The following DAPK2 variants were observed in gnomAD, a reference collection of about 807,000 sequenced individuals.
DAPK2 encodes the protein death-associated protein kinase 2.
Under a neutral mutation model 44.1 loss-of-function variants are expected in DAPK2, and 35 were observed. That is an observed-to-expected ratio of 0.79 (90% CI 0.61 to 1.05). The LOEUF is 1.05. Ranked by LOEUF, DAPK2 falls within the 50% of genes least tolerant of loss-of-function variation. The pLI is 0.00. For synonymous variants in DAPK2, 174 were observed against 182.6 expected (o/e 0.95, Z 0.38); for missense variants, 453 against 483.2 (o/e 0.94, Z 0.59).
chr15:63,936,569 C>A (rs867166120), intron 4 of DAPK2, among the ~76,000 whole-genome samples: 6 of 152,056 alleles, frequency 3.9e-5, no homozygotes, highest in African/African-American at 9.7e-5. Context: ...TGAGATCACA[C>A]CACTGCACTC....
At chr15:64,014,044 A>G (rs1455568014) in intron 1 of DAPK2, among the ~76,000 whole-genome samples, 1 of 152,214 alleles carries the variant, frequency 6.6e-6, no homozygotes, top group Non-Finnish European at 1.5e-5. Context: ...ACACAGGTCA[A>G]GTGTTTATCT....
chr15:64,001,212 CA>C (rs373745530), intron 1 of DAPK2, among the ~76,000 whole-genome samples: 95 of 139,552 alleles, frequency 6.8e-4, no homozygotes, highest in East Asian at 1.1e-3. Context: ...CACTACCTGC[CA>C]AAAAAAAAAA....
intron 4 of DAPK2, chr15:63,935,659 C>T (rs117098456): frequency 9.9e-5 from 15 of 152,176 alleles, no homozygotes; most frequent in African/African-American, 3.6e-4. Flanking sequence ...TCTGTGGATG[C>T]ATGGATGCAG....
chr15:64,039,113 T>C (rs895886), intron 1 of DAPK2, among the ~76,000 whole-genome samples: 82,291 of 152,118 alleles, frequency 0.54, 23,301 homozygotes, highest in East Asian at 0.78. Flanking sequence ...AACCAAACTG[T>C]GCTGTGACAA....
intron 1 of DAPK2, among the ~76,000 whole-genome samples, chr15:63,985,658 C>T (rs376006862): frequency 5.3e-5 from 8 of 152,174 alleles, no homozygotes; most frequent in African/African-American, 1.7e-4. Context: ...TAGGCAGTGG[C>T]GCAGGGCTTG....
chr15:63,926,320 C>T (rs2079264470), intron 6 of DAPK2: 1 of 450,916 alleles, frequency 2.2e-6, no homozygotes, highest in Non-Finnish European at 3.9e-6. Flanking sequence ...ATTGTGTCTT[C>T]AACGGACTCA....
intron 3 of DAPK2, among the ~76,000 whole-genome samples, chr15:63,943,505 C>G (rs1421962952): frequency 6.6e-6 from 1 of 152,168 alleles, no homozygotes; most frequent in Non-Finnish European, 1.5e-5. Flanking sequence ...CTTTATCTCT[C>G]AGGCCCCAAA....
At chr15:64,008,014 T>C (rs1312881626) in intron 1 of DAPK2, among the ~76,000 whole-genome samples, 2 of 152,026 alleles carry the variant, frequency 1.3e-5, no homozygotes, top group Admixed American at 6.6e-5. Flanking sequence ...CTAGGGCTAG[T>C]GGGTTTGGGA....
rs139788414 is a variant in DAPK2, at chr15:63,923,204, G to A, written c.858+1612C>T. The stretch of plus-strand genomic sequence containing the variant: ...CCGAGCCACGTCTTCCACCACACAG[G>A]CAAAACGCTCGAAGTTGACATAGGA... On this transcript the variant is annotated intron_variant, in intron 8 of 10. Transcript: ENST00000261891. This position sits in a 1 kb window ranked among gnomAD's most constrained non-coding sequence, Gnocchi z 4.2. 144 of 1,535,858 alleles carry A rather than the reference G, an allele frequency of 9.4e-5. No homozygotes were observed. The East Asian group carries it at 1.7e-3, about 18-fold the overall frequency.
intron 7 of DAPK2, 118 bp from the exon 9 acceptor site, chr15:63,924,979 C>A: frequency 9.5e-7 from 1 of 1,053,484 alleles, no homozygotes; most frequent in Non-Finnish European, 1.4e-6. Flanking sequence ...TGCCGTCAAA[C>A]CAGTGGAATG....
rs553374626 is a variant in DAPK2 at position 64,020,574 on chromosome 15, C to A, written c.92+19596G>T. Among the ~76,000 whole-genome samples, 4 of 152,354 alleles carry A rather than the reference C, an allele frequency of 2.6e-5. No homozygotes were observed. Among genetic ancestry groups the A allele is most frequent in the African/African-American group, 7.2e-5 (3 of 41,582 alleles). ...GCTTCACCAAAGCAGCACTACTTTG[C>A]CCATCTCCTCTGGGAAGGATTTATA... On this transcript the variant is annotated intron_variant, in intron 1 of 10. Coordinates refer to ENST00000261891, the Ensembl canonical transcript of DAPK2. This position sits in a 1 kb window ranked among gnomAD's most constrained non-coding sequence, Gnocchi z 4.5.
upstream of DAPK2, among the ~76,000 whole-genome samples, chr15:64,045,253 G>T (rs1048511090): frequency 1.3e-5 from 2 of 152,188 alleles, no homozygotes; most frequent in African/African-American, 4.8e-5. Flanking sequence ...TCCTCTGAAG[G>T]TGCTGAATCA....
chr15:64,028,062 C>CTATCTATCTATT (rs1272319826), intron 1 of DAPK2, among the ~76,000 whole-genome samples: 43 of 151,956 alleles, frequency 2.8e-4, no homozygotes, highest in Non-Finnish European at 5.0e-4. Flanking sequence ...ATCTATCTAT[C>CTATCTATCTATT]TATTTATATT....
rs2140324196 is a variant in DAPK2, at chr15:63,923,944, C to G, written c.858+872G>C. 6.6e-6 allele frequency among the ~76,000 whole-genome samples: 1 copy of G among 152,316 alleles called. No homozygotes were observed. The highest frequency in any genetic ancestry group is 1.9e-4 in the East Asian group (1 of 5,180). On this transcript the variant is annotated intron_variant, in intron 8 of 10. Transcript: ENST00000261891. The surrounding 1 kb of genome is among the most constrained non-coding windows in gnomAD (Gnocchi z 4.2). ...GTCATCCTTCTGCTGCCTCGGCCTC[C>G]CAAAGTGCTGGGATTACAGGCATGA...
At chr15:64,007,127 T>TG (rs1278585424) in intron 1 of DAPK2, among the ~76,000 whole-genome samples, 1 of 150,230 alleles carries the variant, frequency 6.7e-6, no homozygotes, top group African/African-American at 2.5e-5. Context: ...CCTAGCTAAT[T>TG]GAAAAAAAAA....
intron 8 of DAPK2, chr15:63,922,584 C>G: frequency 7.1e-7 from 1 of 1,414,182 alleles, no homozygotes; most frequent in Non-Finnish European, 9.2e-7. Context: ...TAACTGGCAC[C>G]TCAGCAATTC....
chr15:63,985,785 G>A (rs1417819863), intron 1 of DAPK2, among the ~76,000 whole-genome samples: 2 of 152,314 alleles, frequency 1.3e-5, no homozygotes, highest in Non-Finnish European at 2.9e-5. Flanking sequence ...CCATGTTGAC[G>A]TTGTTTCCCC....
At chr15:64,005,977 C>CA (rs2079216268) in intron 1 of DAPK2, among the ~76,000 whole-genome samples, 1 of 148,064 alleles carries the variant, frequency 6.8e-6, no homozygotes, top group African/African-American at 2.5e-5. Context: ...AAGGCTGCTG[C>CA]AGTGACCTAT....
At position 63,923,448 on chromosome 15, in the gene DAPK2, C is replaced by T. The variant is rs901398365; in HGVS notation, c.858+1368G>A. On this transcript the variant is annotated intron_variant, in intron 8 of 10. Transcript: ENST00000261891. This position sits in a 1 kb window ranked among gnomAD's most constrained non-coding sequence, Gnocchi z 4.2. ...GCACACAAGCGGCCTCTGGCATTCA[C>T]TGCATGCGTCAGGCCATGGGGAGAA... The T allele has an allele frequency of 2.0e-6, 3 of 1,465,698 alleles. No homozygotes were observed. Among genetic ancestry groups the T allele is most frequent in the East Asian group, 5.0e-5 (2 of 40,356 alleles). 90.8% of individuals were successfully genotyped at this position (1,465,698 alleles called of 1,614,324 possible). A position where few individuals can be genotyped will look rare whatever the true frequency, so the allele number is the denominator to read the frequency against.
Sources: gnomAD v4.1 joint callset for allele counts (sites outside exome capture counted in the v4.1 genomes callset) on GRCh38, gnomAD v4.1.1 for gene constraint, Gnocchi (gnomAD v3.1) non-coding constraint, MANE v1.5 for transcripts, NCBI Gene and HGNC (gene_info 2026-07-23, HGNC 2026-07-21) for gene names.